CMIP: variants seen among roughly 807,000 people sequenced by gnomAD.
CMIP encodes the protein c-Maf inducing protein, also known as C-Maf-inducing protein.
A neutral mutation model predicts 97.3 loss-of-function variants in CMIP; 13 were observed. The ratio of observed to expected loss-of-function variants is 0.13; its 90% CI spans 0.09 to 0.21. CMIP has a LOEUF of 0.21. Ranked by LOEUF, CMIP falls within the 10% of genes least tolerant of loss-of-function variation. CMIP has a pLI of 1.00. For missense variants in CMIP, 847 were observed against 1,024.9 expected (o/e 0.83, Z 2.37); for synonymous variants, 538 against 436.3 (o/e 1.23, Z -2.91).
intron 10 of CMIP, among the ~76,000 whole-genome samples, chr16:81,679,355 G>C (rs1048831847): frequency 2.0e-5 from 3 of 152,112 alleles, no homozygotes; most frequent in Admixed American, 1.3e-4. Flanking sequence ...ATGCATGTGG[G>C]TGTAACCATT....
intron 1 of CMIP, among the ~76,000 whole-genome samples, chr16:81,450,556 C>G (rs765847544): frequency 3.3e-5 from 5 of 152,084 alleles, no homozygotes; most frequent in African/African-American, 4.8e-5. Context: ...TGCTAATTGC[C>G]CTGAAAGAGC....
At chr16:81,587,412 T>G (rs2091400066) in intron 1 of CMIP, among the ~76,000 whole-genome samples, 1 of 152,336 alleles carries the variant, frequency 6.6e-6, no homozygotes, top group African/African-American at 2.4e-5. Flanking sequence ...CTGTGCCATA[T>G]GTACTCGGGG....
chr16:81,493,025 A>G (rs1166726156), intron 1 of CMIP, among the ~76,000 whole-genome samples: 3 of 152,174 alleles, frequency 2.0e-5, no homozygotes, highest in Non-Finnish European at 4.4e-5. Context: ...TGGGCTGGAA[A>G]GGACCAGAAT....
intron 1 of CMIP, among the ~76,000 whole-genome samples, chr16:81,506,414 C>T (rs952048945): frequency 2.0e-5 from 3 of 152,186 alleles, no homozygotes; most frequent in Non-Finnish European, 4.4e-5. Flanking sequence ...TATGCTCAGC[C>T]ATTTCATTAC....
At chr16:81,484,814 C>G (rs2150760158) in intron 1 of CMIP, among the ~76,000 whole-genome samples, 1 of 152,154 alleles carries the variant, frequency 6.6e-6, no homozygotes, top group Non-Finnish European at 1.5e-5. Flanking sequence ...CCCGGGTGTC[C>G]TCATTCATTT....
At chr16:81,594,881 C>T (rs1464301956) in intron 1 of CMIP, among the ~76,000 whole-genome samples, 1 of 150,748 alleles carries the variant, frequency 6.6e-6, no homozygotes, top group African/African-American at 2.4e-5. Flanking sequence ...CCGCCCGCCT[C>T]GGCCTCCCAA....
At chr16:81,554,775 T>C (rs558775229) in intron 1 of CMIP, among the ~76,000 whole-genome samples, 3 of 152,364 alleles carry the variant, frequency 2.0e-5, no homozygotes, top group East Asian at 1.9e-4. Flanking sequence ...ATAATCGTTA[T>C]ATCTGGTAAG....
At chr16:81,523,112 A>G (rs781491301) in intron 1 of CMIP, among the ~76,000 whole-genome samples, 48 of 152,020 alleles carry the variant, frequency 3.2e-4, no homozygotes, top group Non-Finnish European at 1.8e-4. Flanking sequence ...TAGAGACAGG[A>G]CTTCGCTATG....
intron 5 of CMIP, among the ~76,000 whole-genome samples, chr16:81,660,011 C>G (rs887699829): frequency 1.3e-5 from 2 of 149,596 alleles, no homozygotes; most frequent in African/African-American, 4.8e-5. Flanking sequence ...TTTTTATGCG[C>G]TAATTTTTCT....
chr16:81,614,607 G>C lies in CMIP; in HGVS notation c.427-6269G>C, dbSNP rs2091882722. On this transcript the variant is annotated intron_variant, in intron 2 of 20. Coordinates refer to ENST00000537098, the MANE Select transcript of CMIP (RefSeq NM_198390.3). This position sits in a 1 kb window ranked among gnomAD's most constrained non-coding sequence, Gnocchi z 5.3. ...CTGGGTCCTTAAGCCGTGGTCCATG[G>C]TAGATTCCAAAACTACCTGCACAGT... Among the ~76,000 whole-genome samples the C allele has an allele frequency of 1.3e-5, 2 of 152,154 alleles. No individual in the cohort carries two copies. The highest frequency in any genetic ancestry group is 2.1e-4 in the South Asian group (1 of 4,826).
intron 7 of CMIP, chr16:81,666,441 G>A (rs1226542067): frequency 6.6e-6 from 1 of 152,142 alleles, no homozygotes; most frequent in South Asian, 2.1e-4. Flanking sequence ...ATTCAGACAG[G>A]CTCTCGGGGC....
chr16:81,699,793 A>G lies in CMIP; in HGVS notation c.1747A>G (p.Met583Val). Reference sequence around the variant, plus strand: ...CCTGGCACTGAGGGGGAACCAGACCATGGTGGAGGTAAGGAGCTGGTCGGG... The same window carrying G: ...CCTGGCACTGAGGGGGAACCAGACCGTGGTGGAGGTAAGGAGCTGGTCGGG... ...MLLALRGNQT[M>V]VEILCLMLEY... Residue 583 changes from methionine (M) to valine (V), a missense_variant, in exon 15 of 21, where the codon ATG becomes GTG. Transcript: ENST00000537098. The G allele has an allele frequency of 6.2e-7, 1 of 1,609,542 alleles. No individual in the cohort carries two copies. The highest frequency in any genetic ancestry group is 8.5e-7 in the Non-Finnish European group (1 of 1,176,514).
intron 1 of CMIP, chr16:81,495,421 C>T (rs1361255268): frequency 1.3e-6 from 2 of 1,599,858 alleles, no homozygotes; most frequent in South Asian, 1.1e-5. Flanking sequence ...CGGGCTGCCG[C>T]TCTGTTTCCT....
intron 1 of CMIP, among the ~76,000 whole-genome samples, chr16:81,499,998 G>C (rs2089566648): frequency 6.6e-6 from 1 of 152,184 alleles, no homozygotes; most frequent in South Asian, 2.1e-4. Context: ...GACTTCTGGA[G>C]GAGCCCTTTC....
chr16:81,473,116 C>G (rs1053637644), intron 1 of CMIP, among the ~76,000 whole-genome samples: 1 of 152,252 alleles, frequency 6.6e-6, no homozygotes, highest in African/African-American at 2.4e-5. Flanking sequence ...CGGCCCCTGC[C>G]TCCTGCCCGG....
intron 1 of CMIP, among the ~76,000 whole-genome samples, chr16:81,585,897 C>T (rs746428335): frequency 6.6e-6 from 1 of 152,126 alleles, no homozygotes; most frequent in South Asian, 2.1e-4. Flanking sequence ...CTGCCCCTGT[C>T]GTAGCACCTG....
chr16:81,503,684 A>T (rs986314743), intron 1 of CMIP, among the ~76,000 whole-genome samples: 3 of 152,218 alleles, frequency 2.0e-5, no homozygotes, highest in Admixed American at 6.5e-5. Context: ...GGCCTGAGCC[A>T]CCGCGCCTGG....
intron 1 of CMIP, among the ~76,000 whole-genome samples, chr16:81,459,057 TCACTGTCACC>T (rs1397078442): frequency 8.6e-5 from 12 of 139,372 alleles, no homozygotes; most frequent in Admixed American, 7.1e-4. Context: ...ACCATCACCA[TCACTGTCACC>T]GTCACCGTCA....
intron 3 of CMIP, among the ~76,000 whole-genome samples, chr16:81,636,580 C>CAAA (rs200195305): frequency 2.8e-5 from 3 of 106,682 alleles, no homozygotes; most frequent in African/African-American, 7.6e-5. Context: ...AACTTCGTCT[C>CAAA]AAAAAAAAAA....
Sources: allele counts gnomAD v4.1 joint callset (sites outside exome capture counted in the v4.1 genomes callset), GRCh38; gene constraint gnomAD v4.1.1; non-coding constraint Gnocchi (gnomAD v3.1); transcripts MANE v1.5; gene names NCBI Gene and HGNC (gene_info 2026-07-23, HGNC 2026-07-21).